The following MAGI1 variants were observed in gnomAD, a reference collection of about 807,000 sequenced individuals.
The protein encoded by MAGI1 is membrane-associated guanylate kinase, WW and PDZ domain-containing protein 1.
MAGI1 carries 58 observed loss-of-function variants against 139.9 expected under a neutral mutation model. That is an observed-to-expected ratio of 0.41 (90% CI 0.34 to 0.52). The LOEUF is 0.52. Among genes scored for constraint, MAGI1 ranks in the 20% least tolerant of loss-of-function variants. The probability of loss-of-function intolerance (pLI) is 0.12; values close to 1 mark genes in which losing one functional copy is unlikely to be tolerated. For missense variants in MAGI1, 1,874 were observed against 1,901.6 expected, an observed-to-expected ratio of 0.99 and a Z score of 0.27; for synonymous variants, 812 against 737.9, an observed-to-expected ratio of 1.10 and a Z score of -1.63.
chr3:66,015,705 CTTAA>C (rs1179951228), intron 1 of MAGI1, among the ~76,000 whole-genome samples: 2 of 151,562 alleles, frequency 1.3e-5, no homozygotes, highest in Non-Finnish European at 2.9e-5. Flanking sequence ...TGTCTAGTAG[CTTAA>C]TTTTTATCCC....
intron 1 of MAGI1, among the ~76,000 whole-genome samples, chr3:65,891,890 ATATATATATATATATATATATATATATAT>A (rs1559983611): frequency 0.013 from 17 of 1,304 alleles, 1 homozygote; most frequent in African/African-American, 0.029. Flanking sequence ...AGTATAATAT[ATATATATATATATATATATATATATATAT>A]ATATATATAT....
chr3:65,521,954 C>A (rs1193455564), intron 2 of MAGI1, among the ~76,000 whole-genome samples: 1 of 152,114 alleles, frequency 6.6e-6, no homozygotes, highest in East Asian at 1.9e-4. Context: ...TTCATAGCTA[C>A]ATAAGCTTAA....
At chr3:65,381,065 C>T (rs1458885228) in intron 16 of MAGI1, among the ~76,000 whole-genome samples, 2 of 152,120 alleles carry the variant, frequency 1.3e-5, no homozygotes, top group South Asian at 2.1e-4. Context: ...ACCTCTGCTG[C>T]ACTCTGGGTT....
chr3:65,414,684 T>C (rs1946052511), intron 12 of MAGI1, among the ~76,000 whole-genome samples: 1 of 152,068 alleles, frequency 6.6e-6, no homozygotes, highest in Non-Finnish European at 1.5e-5. Flanking sequence ...ATTCTTTCTT[T>C]TGTGAACTAA....
chr3:65,506,302 C>A (rs1292770191), intron 2 of MAGI1, among the ~76,000 whole-genome samples: 1 of 152,136 alleles, frequency 6.6e-6, no homozygotes, highest in Non-Finnish European at 1.5e-5. Flanking sequence ...TTAACCTGGT[C>A]ATAATATGCA....
At chr3:65,965,777 C>T (rs1412013330) in intron 1 of MAGI1, among the ~76,000 whole-genome samples, 2 of 152,124 alleles carry the variant, frequency 1.3e-5, no homozygotes, top group Non-Finnish European at 2.9e-5. Flanking sequence ...AAGCAACACT[C>T]CTGCTTCAGT....
chr3:65,921,721 A>C (rs932151674), intron 1 of MAGI1, among the ~76,000 whole-genome samples: 1 of 152,180 alleles, frequency 6.6e-6, no homozygotes, highest in African/African-American at 2.4e-5. Flanking sequence ...GTCATTCCAC[A>C]AAATCAATCA....
At chr3:65,892,742 G>A (rs1374688038) in intron 1 of MAGI1, among the ~76,000 whole-genome samples, 1 of 152,102 alleles carries the variant, frequency 6.6e-6, no homozygotes, top group Non-Finnish European at 1.5e-5. Context: ...TCTGGGATGG[G>A]TCCCATTATT....
At chr3:65,810,422 G>A (rs958986707) in intron 1 of MAGI1, among the ~76,000 whole-genome samples, 1 of 152,218 alleles carries the variant, frequency 6.6e-6, no homozygotes, top group Non-Finnish European at 1.5e-5. Context: ...GTTATTTTAA[G>A]ACAGACTGTT....
chr3:65,975,498 G>A (rs967311505), intron 1 of MAGI1, among the ~76,000 whole-genome samples: 3 of 152,232 alleles, frequency 2.0e-5, no homozygotes, highest in East Asian at 1.9e-4. Flanking sequence ...GCTCAAGCCT[G>A]TAATCCCAGC....
intron 1 of MAGI1, among the ~76,000 whole-genome samples, chr3:65,744,165 T>C (rs574600684): frequency 3.1e-4 from 47 of 152,348 alleles, no homozygotes; most frequent in African/African-American, 1.1e-3. Flanking sequence ...AATGTGCTTC[T>C]AACAGTTTGT....
intron 2 of MAGI1, among the ~76,000 whole-genome samples, chr3:65,600,475 A>G (rs2106832217): frequency 6.6e-6 from 1 of 152,358 alleles, no homozygotes; most frequent in Non-Finnish European, 1.5e-5. Context: ...TCAGAGGTGT[A>G]GTATCTTGAC....
intron 1 of MAGI1, among the ~76,000 whole-genome samples, chr3:65,749,852 C>T (rs1441120943): frequency 1.3e-5 from 2 of 152,042 alleles, no homozygotes; most frequent in African/African-American, 4.8e-5. Flanking sequence ...GTTCTGGAAT[C>T]CTTATTTTTA....
At chr3:65,787,113 G>A (rs1351554123) in intron 1 of MAGI1, among the ~76,000 whole-genome samples, 1 of 151,990 alleles carries the variant, frequency 6.6e-6, no homozygotes, top group East Asian at 1.9e-4. Context: ...CAATAAAACT[G>A]CCCCTATTTC....
intron 1 of MAGI1, among the ~76,000 whole-genome samples, chr3:65,976,014 T>C (rs2065246301): frequency 1.3e-5 from 2 of 152,186 alleles, no homozygotes; most frequent in African/African-American, 2.4e-5. Context: ...GGACAGTCTT[T>C]ATTTATGGCT....
intron 1 of MAGI1, among the ~76,000 whole-genome samples, chr3:65,987,445 A>G (rs2065938061): frequency 1.3e-5 from 2 of 152,188 alleles, no homozygotes; most frequent in Non-Finnish European, 2.9e-5. Flanking sequence ...GATGTAGGTA[A>G]CTGCACATTA....
At chr3:65,959,898 C>T (rs1372915293) in intron 1 of MAGI1, among the ~76,000 whole-genome samples, 5 of 146,036 alleles carry the variant, frequency 3.4e-5, no homozygotes, top group African/African-American at 7.5e-5. Context: ...CTCCACCTCC[C>T]GGGTTCACAC....
intron 12 of MAGI1, among the ~76,000 whole-genome samples, chr3:65,414,133 G>C (rs1322757633): frequency 6.6e-6 from 1 of 152,166 alleles, no homozygotes; most frequent in Non-Finnish European, 1.5e-5. Flanking sequence ...TGCAGATGGT[G>C]ATCTTAATGC....
intron 1 of MAGI1, among the ~76,000 whole-genome samples, chr3:65,949,772 G>C (rs2063708088): frequency 1.3e-5 from 2 of 152,030 alleles, no homozygotes; most frequent in African/African-American, 4.8e-5. Flanking sequence ...TTTATATCTT[G>C]GCTCCAGTTT....
Sources: gnomAD v4.1 joint callset for allele counts (sites outside exome capture counted in the v4.1 genomes callset) on GRCh38, gnomAD v4.1.1 for gene constraint, MANE v1.5 for transcripts, NCBI Gene and HGNC (gene_info 2026-07-23, HGNC 2026-07-21) for gene names.